The following MTR variants were observed in gnomAD, a reference collection of about 807,000 sequenced individuals.
MTR encodes 5-methyltetrahydrofolate-homocysteine methyltransferase, also known as methionine synthase.
Under a neutral mutation model 154.8 loss-of-function variants are expected in MTR, and 84 were observed. The observed-to-expected ratio is 0.54, with a 90% CI of 0.45 to 0.65. MTR has a LOEUF of 0.65. Ranked by LOEUF, MTR falls within the 30% of genes least tolerant of loss-of-function variation. The pLI, the probability that MTR is intolerant of heterozygous loss-of-function variation, is 0.00. For missense variants in MTR, 1,275 were observed against 1,570.2 expected, an observed-to-expected ratio of 0.81 and a Z score of 3.18; for synonymous variants, 554 against 553.9, an observed-to-expected ratio of 1.00 and a Z score of 0.00.
At chr1:236,829,148 A>T in intron 11 of MTR, 41 bp from the exon 12 acceptor site, 2 of 1,451,196 alleles carry the variant, frequency 1.4e-6, no homozygotes, top group East Asian at 4.5e-5. Flanking sequence ...AATATATTTT[A>T]TTCTGAATTA....
intron 24 of MTR, among the ~76,000 whole-genome samples, chr1:236,876,546 A>C (rs944956324): frequency 3.9e-5 from 6 of 152,228 alleles, no homozygotes; most frequent in African/African-American, 1.4e-4. Context: ...ATTTAAAGGA[A>C]CATAATTAAA....
At chr1:236,861,051 G>A in intron 19 of MTR, 74 bp from the exon 20 acceptor site, 1 of 1,323,826 alleles carries the variant, frequency 7.6e-7, no homozygotes, top group Non-Finnish European at 1.0e-6. Context: ...GCTCTGTGGA[G>A]GTAAGGCAGT....
intron 12 of MTR, among the ~76,000 whole-genome samples, chr1:236,830,685 T>C (rs1662560191): frequency 6.6e-6 from 1 of 152,190 alleles, no homozygotes; most frequent in Admixed American, 6.5e-5. Context: ...CATTGAAATG[T>C]TGGCTCCCTG....
chr1:236,852,380 G>A (rs1211033942), intron 16 of MTR, 141 bp from the exon 17 acceptor site: 5 of 710,738 alleles, frequency 7.0e-6, no homozygotes, highest in Admixed American at 2.1e-5. Context: ...TCTATGTCTA[G>A]TAACAAGAAG....
intron 8 of MTR, among the ~76,000 whole-genome samples, chr1:236,817,371 G>T (rs1297038116): frequency 6.6e-6 from 1 of 151,808 alleles, no homozygotes; most frequent in Non-Finnish European, 1.5e-5. Context: ...CTCATCTCAA[G>T]AATCTTCCCT....
Position 236,895,457 on chromosome 1 carries a change from A to G in MTR, c.3505A>G (p.Lys1169Glu). The change falls in exon 31 of 33, where the codon AAG becomes GAG. Residue 1169 changes from lysine to glutamate, a missense_variant. Physicochemically the swap from Lys to Glu is moderately conservative, Grantham distance 56. Coordinates refer to ENST00000366577, the MANE Select transcript of MTR (RefSeq NM_000254.3). ...DVADLRRLRYKGIRPAPGYPS... is the reference protein window; with the variant it reads ...DVADLRRLRYEGIRPAPGYPS... ...CGCAGACCTGCGCAGGCTGCGGTAC[A>G]AGGGCATCCGCCCGGCTCCTGGCTA... 2 of 1,600,218 alleles carry G rather than the reference A, an allele frequency of 1.2e-6. No homozygotes were observed. Among genetic ancestry groups the G allele is most frequent in the East Asian group, 2.3e-5 (1 of 44,330 alleles).
chr1:236,837,644 G>A (rs1295138694), intron 14 of MTR, among the ~76,000 whole-genome samples: 2 of 152,164 alleles, frequency 1.3e-5, no homozygotes, highest in African/African-American at 2.4e-5. Context: ...TGCACCTGTA[G>A]TTGCAGCTAC....
chr1:236,897,395 A>G (rs1216309675), intron 32 of MTR, among the ~76,000 whole-genome samples, 163 bp from the exon 33 acceptor site: 1 of 151,984 alleles, frequency 6.6e-6, no homozygotes, highest in East Asian at 1.9e-4. Context: ...GCCCAGAGAA[A>G]AAGGCAACTT....
chr1:236,849,697 G>T (rs73129172), intron 15 of MTR, among the ~76,000 whole-genome samples: 5,023 of 152,252 alleles, frequency 0.033, 102 homozygotes, highest in South Asian at 0.093. Flanking sequence ...GGAAGCAGCT[G>T]GGGGATGAGC....
At chr1:236,895,243 C>A in intron 30 of MTR, 115 bp from the exon 31 acceptor site, 2 of 1,148,102 alleles carry the variant, frequency 1.7e-6, no homozygotes, top group Non-Finnish European at 2.6e-6. Flanking sequence ...TTTCCCCTGG[C>A]TGTGGTCCAG....
At chr1:236,893,308 C>T (rs1666434924) in intron 29 of MTR, among the ~76,000 whole-genome samples, 1 of 152,212 alleles carries the variant, frequency 6.6e-6, no homozygotes, top group African/African-American at 2.4e-5. Context: ...TGCCCTGTGT[C>T]AATGAAGCTG....
chr1:236,812,693 A>C, intron 5 of MTR, 45 bp from the exon 6 acceptor site: 1 of 1,494,404 alleles, frequency 6.7e-7, no homozygotes. Context: ...GGCCATTCAG[A>C]GGATATTGAT....
At chr1:236,884,747 C>G (rs1665925931) in intron 25 of MTR, among the ~76,000 whole-genome samples, 1 of 152,060 alleles carries the variant, frequency 6.6e-6, no homozygotes, top group Non-Finnish European at 1.5e-5. Context: ...GTCTTCAGTC[C>G]CTGCAGAGGT....
chr1:236,815,775 T>C lies in MTR; in HGVS notation c.669+112T>C, dbSNP rs950229690. 2.3e-4 allele frequency: 245 copies of C among 1,051,350 alleles called. 3 individuals are homozygous for C. In the East Asian group the frequency reaches 6.0e-3, roughly 26 times the overall value. 65.1% of individuals were successfully genotyped at this position (1,051,350 alleles called of 1,614,324 possible). A position where few individuals can be genotyped will look rare whatever the true frequency, so the allele number is the denominator to read the frequency against. ...CTATTAATGGTATCTTTAGAACTCA[T>C]CTACTTTAACTTCCATTGTTCACTT... is the stretch of plus-strand genomic sequence containing the variant. On this transcript the variant is annotated intron_variant, in intron 7 of 32. Coordinates refer to ENST00000366577, the MANE Select transcript of MTR (RefSeq NM_000254.3).
In MTR at chr1:236,900,137, A is replaced by T. The variant is rs2147974136; in HGVS notation, c.*2493A>T. The T allele has an allele frequency of 2.5e-6, 1 of 401,838 alleles. No homozygotes were observed. Among genetic ancestry groups the T allele is most frequent in the African/African-American group, 2.1e-5 (1 of 48,262 alleles). The allele number at this position is 401,838 out of a possible 1,614,324, so 24.9% of individuals were successfully genotyped here. ...ATGTTCATAGTTACATATTTATAAT[A>T]GTTAATAACTGGAAAAAGTGAAATG... On this transcript the variant is annotated 3_prime_UTR_variant, in exon 33 of 33. Coordinates refer to ENST00000366577, the MANE Select transcript of MTR (RefSeq NM_000254.3).
At chr1:236,851,055 G>A (rs1361415968) in intron 16 of MTR, among the ~76,000 whole-genome samples, 1 of 152,120 alleles carries the variant, frequency 6.6e-6, no homozygotes, top group African/African-American at 2.4e-5. Flanking sequence ...GCTTATATAT[G>A]TAGATTTGAT....
chr1:236,835,526 CCTCT>C lies in MTR; in HGVS notation c.1189-17_1189-14del. 4 of 1,612,558 alleles carry C rather than the reference CCTCT, an allele frequency of 2.5e-6. No homozygotes were observed. The highest frequency in any genetic ancestry group is 3.4e-6 in the Non-Finnish European group (4 of 1,179,742). ...TAGTAACTGTCTCCTAATGCTGCTT[CCTCT>C]CTCATTCTTCCTTCAGGAAGCCTTG... On this transcript the variant is annotated splice_polypyrimidine_tract_variant and intron_variant, in intron 13 of 32. Coordinates refer to ENST00000366577, the MANE Select transcript of MTR (RefSeq NM_000254.3).
chr1:236,903,688 T>G lies in MTR; in HGVS notation c.*6044T>G, dbSNP rs1276996964. The G allele has an allele frequency of 6.6e-6, 1 of 152,186 alleles. No homozygotes were observed. The highest frequency in any genetic ancestry group is 1.5e-5 in the Non-Finnish European group (1 of 68,030). 9.4% of individuals were successfully genotyped at this position (152,186 alleles called of 1,614,324 possible). A position where few individuals can be genotyped will look rare whatever the true frequency, so the allele number is the denominator to read the frequency against. Reference sequence around the variant, plus strand: ...ATCTCTGCCATCCATAAGGTAAATGTAATACATCTGGCGACCTGCTGAGTG... The same window carrying G: ...ATCTCTGCCATCCATAAGGTAAATGGAATACATCTGGCGACCTGCTGAGTG... On this transcript the variant is annotated 3_prime_UTR_variant, in exon 33 of 33. Transcript: ENST00000366577.
chr1:236,801,683 A>G (rs889678243), intron 1 of MTR, among the ~76,000 whole-genome samples: 6 of 152,352 alleles, frequency 3.9e-5, no homozygotes, highest in African/African-American at 1.4e-4. Flanking sequence ...AGGAGCTCAG[A>G]TAGCTTAGAA....
Sources: gnomAD v4.1 joint callset for allele counts (sites outside exome capture counted in the v4.1 genomes callset) on GRCh38, gnomAD v4.1.1 for gene constraint, MANE v1.5 for transcripts, NCBI Gene and HGNC (gene_info 2026-07-23, HGNC 2026-07-21) for gene names.